TMEM165: variants seen among roughly 807,000 people sequenced by gnomAD.
The protein encoded by TMEM165 is transmembrane protein 165.
A neutral mutation model predicts 30.0 loss-of-function variants in TMEM165; 19 were observed. That is an observed-to-expected ratio of 0.63 (90% confidence interval 0.44 to 0.93). TMEM165 has a LOEUF of 0.93. TMEM165 is among the 40% of genes least tolerant of loss of function. TMEM165 has a pLI of 0.00. For synonymous variants in TMEM165, 168 were observed against 162.9 expected, an observed-to-expected ratio of 1.03 and a Z score of -0.24; for missense variants, 340 against 417.0, an observed-to-expected ratio of 0.82 and a Z score of 1.61.
rs1187027258 is a variant in TMEM165, at chr4:55,401,014, A to G, written c.207+4618A>G. Among the ~76,000 whole-genome samples the G allele has an allele frequency of 2.7e-5, 4 of 150,568 alleles. 1 individual carries two copies. The highest frequency in any genetic ancestry group is 1.0e-4 in the African/African-American group (4 of 39,902). On this transcript the variant is annotated intron_variant, in intron 1 of 5. Transcript: ENST00000381334. ...TTAAGAGGGTAGGTAGGATATTTAA[A>G]TTTAACCTTTTTGTGCCACTGTGTG...
Position 55,425,704 on chromosome 4 carries a change from T to C in TMEM165, c.*252T>C, listed in dbSNP as rs116487775. On this transcript the variant is annotated 3_prime_UTR_variant, in exon 6 of 6. Transcript: ENST00000381334. ...ATTATGTTAATATGGTCCTCATTTT[T>C]CTTTTGGTGCAGAACCGTTGTGCAG... The C allele has an allele frequency of 2.6e-3, 933 of 359,764 alleles. 12 individuals carry two copies. The highest frequency in any genetic ancestry group is 0.018 in the African/African-American group (844 of 47,304). 22.3% of individuals were successfully genotyped at this position (359,764 alleles called of 1,614,324 possible). A position where few individuals can be genotyped will look rare whatever the true frequency, so the allele number is the denominator to read the frequency against.
intron 1 of TMEM165, among the ~76,000 whole-genome samples, chr4:55,400,244 T>TACTATAATA: frequency 1.1e-5 from 1 of 93,758 alleles, no homozygotes; most frequent in East Asian, 2.4e-4. Context: ...ATGTAATTAA[T>TACTATAATA]ATTATATTAT....
chr4:55,399,569 A>G (rs1413727839), intron 1 of TMEM165, among the ~76,000 whole-genome samples: 18 of 152,186 alleles, frequency 1.2e-4, no homozygotes, highest in Non-Finnish European at 2.9e-5. Context: ...TTTTAGTCAT[A>G]TTGGAATTTT....
chr4:55,427,074 C>A (rs1359436080), downstream of TMEM165, among the ~76,000 whole-genome samples: 2 of 147,310 alleles, frequency 1.4e-5, no homozygotes, highest in Non-Finnish European at 3.0e-5. Flanking sequence ...CACTCTGTCG[C>A]CCAGGCTGGA....
At chr4:55,420,146 T>G (rs1373897601) in intron 4 of TMEM165, among the ~76,000 whole-genome samples, 1 of 41,616 alleles carries the variant, frequency 2.4e-5, no homozygotes, top group Non-Finnish European at 4.2e-5. Flanking sequence ...TATTTATTTA[T>G]TTTATTTATT....
In TMEM165 at chr4:55,400,714, G is replaced by A. The variant is rs535443586; in HGVS notation, c.207+4318G>A. ...GCCTCCCAAAGTGCTGGGATTACAGGAGTGAGCCACCACGCCTGGCCTTAA... is the reference window on the plus strand; with the variant it reads ...GCCTCCCAAAGTGCTGGGATTACAGAAGTGAGCCACCACGCCTGGCCTTAA... On this transcript the variant is annotated intron_variant, in intron 1 of 5. Transcript: ENST00000381334. Among the ~76,000 whole-genome samples, 37 of 149,952 alleles carry A rather than the reference G, an allele frequency of 2.5e-4. 2 individuals carry two copies. The highest frequency in any genetic ancestry group is 3.4e-3 in the Middle Eastern group (1 of 294).
intron 4 of TMEM165, chr4:55,423,686 G>A (rs2109564753): frequency 6.5e-6 from 1 of 152,910 alleles, no homozygotes; most frequent in East Asian, 1.9e-4. Flanking sequence ...GCCTCCCAAA[G>A]TGTTGGGATT....
Position 55,407,054 on chromosome 4 carries a change from A to G in TMEM165, c.208-4560A>G, listed in dbSNP as rs988897149. Among the ~76,000 whole-genome samples, 8 of 152,200 alleles carry G rather than the reference A, an allele frequency of 5.3e-5. No individual in the cohort carries two copies. In the East Asian group the frequency reaches 1.5e-3, roughly 29 times the overall value. On this transcript the variant is annotated intron_variant, in intron 1 of 5. Transcript: ENST00000381334. ...CAATTCCTTGAGTGTTTCTGTCTTG[A>G]ACTTTTTTCTGTAATAGGCCTCCCA...
chr4:55,451,497 A>T (rs1724451286), intron 3 of TMEM165, among the ~76,000 whole-genome samples: 3 of 152,156 alleles, frequency 2.0e-5, no homozygotes, highest in African/African-American at 7.2e-5. Flanking sequence ...CATGATTTTG[A>T]AACCATCCAC....
intron 1 of TMEM165, among the ~76,000 whole-genome samples, chr4:55,401,611 C>A (rs966950330): frequency 2.0e-5 from 3 of 150,268 alleles, no homozygotes; most frequent in Non-Finnish European, 2.9e-5. Context: ...TGTGAGAGTA[C>A]CTTCTACAAA....
chr4:55,441,075 T>A (rs531420026), intron 3 of TMEM165, among the ~76,000 whole-genome samples: 52 of 152,346 alleles, frequency 3.4e-4, no homozygotes, highest in Non-Finnish European at 6.8e-4. Context: ...ATCTTTCTAT[T>A]GCTTTTACTA....
At chr4:55,431,694 A>G (rs1198273818) in intron 3 of TMEM165, 1 of 138,142 alleles carries the variant, frequency 7.2e-6, no homozygotes, top group African/African-American at 2.5e-5. Flanking sequence ...CAAACTTTCA[A>G]TTACCAAAGA....
intron 1 of TMEM165, among the ~76,000 whole-genome samples, chr4:55,397,674 C>G (rs1720782957): frequency 6.6e-6 from 1 of 151,516 alleles, no homozygotes; most frequent in African/African-American, 2.4e-5. Flanking sequence ...CCTCTCCTTT[C>G]TCCTTTTTCC....
chr4:55,444,176 C>G (rs3736545), intron 3 of TMEM165, among the ~76,000 whole-genome samples: 88,868 of 151,994 alleles, frequency 0.58, 27,590 homozygotes, highest in South Asian at 0.81. Flanking sequence ...TATAACATCA[C>G]ACAGAAGTAG....
At chr4:55,430,145 C>A (rs1023556739), downstream of TMEM165, 1 of 152,168 alleles carries the variant, frequency 6.6e-6, no homozygotes, top group African/African-American at 2.4e-5. Context: ...CTTCTTTGAA[C>A]CCCTTTCTAA....
chr4:55,424,113 G>C (rs1198751914), intron 4 of TMEM165: 2 of 156,464 alleles, frequency 1.3e-5, no homozygotes, highest in Non-Finnish European at 2.8e-5. Flanking sequence ...CTGTTCCCAG[G>C]AAGCAGAGGC....
chr4:55,405,911 A>C (rs1721250965), intron 1 of TMEM165, among the ~76,000 whole-genome samples: 1 of 152,208 alleles, frequency 6.6e-6, no homozygotes, highest in South Asian at 2.1e-4. Context: ...ATCTTGCCCC[A>C]ACCATTCTTC....
At chr4:55,399,616 A>G (rs1016699340) in intron 1 of TMEM165, among the ~76,000 whole-genome samples, 4 of 152,042 alleles carry the variant, frequency 2.6e-5, no homozygotes, top group Non-Finnish European at 5.9e-5. Flanking sequence ...AGCTACTAAT[A>G]TCCTTTTTAA....
chr4:55,452,942 A>G (rs1724596845), exon 4 of TMEM165: 1 of 770,616 alleles, frequency 1.3e-6, no homozygotes, highest in Middle Eastern at 3.7e-4. Flanking sequence ...CATCCCCGTT[A>G]TAAGTGAGGA....
Sources: gnomAD v4.1 joint callset for allele counts (sites outside exome capture counted in the v4.1 genomes callset) on GRCh38, gnomAD v4.1.1 for gene constraint, MANE v1.5 for transcripts, NCBI Gene and HGNC (gene_info 2026-07-23, HGNC 2026-07-21) for gene names.